The following ANKRD45 variants were observed in gnomAD, a reference collection of about 807,000 sequenced individuals.
ANKRD45 encodes the protein ankyrin repeat domain 45, also known as ankyrin repeat domain-containing protein 45.
Under a neutral mutation model 28.1 loss-of-function variants are expected in ANKRD45, and 21 were observed. The observed-to-expected ratio is 0.75, with a 90% CI of 0.53 to 1.08. The LOEUF (loss-of-function observed/expected upper bound fraction) is 1.08. Ranked by LOEUF, ANKRD45 falls within the 50% of genes least tolerant of loss-of-function variation. The pLI is 0.00. For missense variants in ANKRD45, 261 were observed against 308.7 expected (o/e 0.85, Z 1.16); for synonymous variants, 86 against 103.9 (o/e 0.83, Z 1.05).
chr1:173,699,201 G>A, the ANKRD45 span, among the ~76,000 whole-genome samples: 1 of 152,084 alleles, frequency 6.6e-6, no homozygotes. Flanking sequence ...ACCAAAAAAA[G>A]TCCAGGACCA....
the ANKRD45 span, among the ~76,000 whole-genome samples, chr1:173,677,050 G>C: frequency 3.3e-5 from 5 of 151,742 alleles, no homozygotes; most frequent in East Asian, 5.8e-4. Flanking sequence ...GTCAGAAAAA[G>C]ACATAATTTA....
At chr1:173,622,130 A>G (rs748062966) in intron 5 of ANKRD45, among the ~76,000 whole-genome samples, 5 of 152,212 alleles carry the variant, frequency 3.3e-5, no homozygotes, top group Non-Finnish European at 7.3e-5. Context: ...AAGGAGAACT[A>G]CAAACCACTG....
At chr1:173,683,771 G>T in the ANKRD45 span, among the ~76,000 whole-genome samples, 101 of 152,286 alleles carry the variant, frequency 6.6e-4, 1 homozygote, top group Admixed American at 6.4e-3. Flanking sequence ...GCCCAGGGCG[G>T]TGTTATATAT....
At chr1:173,708,213 T>A in the ANKRD45 span, among the ~76,000 whole-genome samples, 2 of 152,242 alleles carry the variant, frequency 1.3e-5, no homozygotes, top group African/African-American at 4.8e-5. Context: ...TATTTGGTGC[T>A]ATGGTTTGAC....
chr1:173,677,222 A>G, the ANKRD45 span, among the ~76,000 whole-genome samples: 1 of 151,910 alleles, frequency 6.6e-6, no homozygotes, highest in Non-Finnish European at 1.5e-5. Context: ...TTGAGAGAGG[A>G]AACAATTTTC....
At chr1:173,694,113 C>A in the ANKRD45 span, among the ~76,000 whole-genome samples, 1 of 152,068 alleles carries the variant, frequency 6.6e-6, no homozygotes, top group South Asian at 2.1e-4. Flanking sequence ...GTATAGCAGA[C>A]AATAATTTCA....
chr1:173,613,239 C>T (rs1380947776), intron 5 of ANKRD45, among the ~76,000 whole-genome samples: 1 of 151,528 alleles, frequency 6.6e-6, no homozygotes, highest in Non-Finnish European at 1.5e-5. Flanking sequence ...TCTGCCCGGC[C>T]GCGACCCCGT....
intron 3 of ANKRD45, among the ~76,000 whole-genome samples, chr1:173,630,316 G>C (rs972338707): frequency 7.9e-5 from 12 of 152,108 alleles, no homozygotes; most frequent in African/African-American, 2.9e-4. Flanking sequence ...ATTTTGAATA[G>C]AAAGACTAAA....
the ANKRD45 span, among the ~76,000 whole-genome samples, chr1:173,688,707 G>C: frequency 2.6e-5 from 3 of 114,738 alleles, no homozygotes; most frequent in Admixed American, 9.0e-5. Flanking sequence ...CTCTCTTTCT[G>C]CCTCTTTCCT....
chr1:173,643,209 T>C (rs1236357296), intron 3 of ANKRD45, among the ~76,000 whole-genome samples: 1 of 149,912 alleles, frequency 6.7e-6, no homozygotes, highest in Non-Finnish European at 1.5e-5. Flanking sequence ...AGTCTCACTC[T>C]GTCACCCAGG....
intron 1 of ANKRD45, among the ~76,000 whole-genome samples, chr1:173,663,523 T>A (rs1669878688): frequency 1.3e-5 from 2 of 152,170 alleles, no homozygotes; most frequent in African/African-American, 4.8e-5. Flanking sequence ...CACCCTCTTT[T>A]CTTTTAACAA....
chr1:173,623,573 C>G (rs184972922), intron 5 of ANKRD45, among the ~76,000 whole-genome samples: 1 of 152,194 alleles, frequency 6.6e-6, no homozygotes, highest in African/African-American at 2.4e-5. Context: ...GATCTAGAGA[C>G]AGAAATACCA....
the ANKRD45 span, among the ~76,000 whole-genome samples, chr1:173,682,864 G>T: frequency 2.0e-5 from 3 of 151,988 alleles, no homozygotes; most frequent in African/African-American, 7.3e-5. Context: ...TTTCAGTTTG[G>T]CCTGGCTAGC....
At chr1:173,663,091 A>ACACACACACC (rs1176631341) in intron 1 of ANKRD45, among the ~76,000 whole-genome samples, 1 of 146,132 alleles carries the variant, frequency 6.8e-6, no homozygotes, top group African/African-American at 2.6e-5. Flanking sequence ...ACACACACAC[A>ACACACACACC]CCTTCTTTAA....
chr1:173,686,196 A>T, the ANKRD45 span, among the ~76,000 whole-genome samples: 1 of 152,228 alleles, frequency 6.6e-6, no homozygotes, highest in Non-Finnish European at 1.5e-5. Flanking sequence ...CCTACAGGGC[A>T]TAACAAGGCA....
chr1:173,688,900 C>T, the ANKRD45 span, among the ~76,000 whole-genome samples: 701 of 152,078 alleles, frequency 4.6e-3, 5 homozygotes, highest in Admixed American at 9.8e-3. Flanking sequence ...CCTCTCCTTC[C>T]CCTTTTACCT....
rs1222355673 is a variant in ANKRD45 at position 173,630,843 on chromosome 1, AAAG to A, written c.497-3687_497-3685del. On this transcript the variant is annotated intron_variant, in intron 3 of 5. Coordinates refer to ENST00000333279, the MANE Select transcript of ANKRD45 (RefSeq NM_198493.3). Reference sequence around the variant, plus strand: ...TAAAAAAAAAAAAAAAAAAAAAAAAAAAGAGAGAGAGACACAAAAAATAAAAAG... The same window carrying A: ...TAAAAAAAAAAAAAAAAAAAAAAAAAAGAGAGAGACACAAAAAATAAAAAG... Among the ~76,000 whole-genome samples the A allele has an allele frequency of 2.4e-3, 335 of 137,662 alleles. 4 individuals are homozygous for A. Among genetic ancestry groups the A allele is most frequent in the Middle Eastern group, 7.0e-3 (2 of 284 alleles). The allele number at this position is 137,662 out of a possible 152,430, so 90.3% of individuals were successfully genotyped here.
the ANKRD45 span, among the ~76,000 whole-genome samples, chr1:173,695,241 G>T: frequency 6.6e-6 from 1 of 152,092 alleles, no homozygotes; most frequent in Non-Finnish European, 1.5e-5. Context: ...ACATGTGCAG[G>T]TTTGTTAGGT....
the ANKRD45 span, among the ~76,000 whole-genome samples, chr1:173,690,486 C>T: frequency 5.9e-5 from 9 of 152,114 alleles, no homozygotes; most frequent in African/African-American, 2.2e-4. Context: ...AAAAGGAGGG[C>T]AGGTCCTTGC....
Sources: allele counts gnomAD v4.1 joint callset (sites outside exome capture counted in the v4.1 genomes callset), GRCh38; gene constraint gnomAD v4.1.1; transcripts MANE v1.5; gene names NCBI Gene and HGNC (gene_info 2026-07-23, HGNC 2026-07-21).